Variants in LRPAP1 observed in about 807,000 individuals in gnomAD.
LRPAP1 encodes the protein LDL receptor related protein associated protein 1.
LRPAP1 carries 41 observed loss-of-function variants against 39.9 expected under a neutral mutation model. The ratio of observed to expected loss-of-function variants is 1.03; its 90% CI spans 0.80 to 1.33. The LOEUF is 1.33. Among genes scored for constraint, LRPAP1 ranks in the 40% most tolerant of loss-of-function variants. LRPAP1 has a pLI of 0.00. For synonymous variants in LRPAP1, 263 were observed against 212.7 expected (o/e 1.24, Z -2.06); for missense variants, 565 against 482.3 (o/e 1.17, Z -1.61).
At chr4:3,530,354 G>A (rs1033695387) in intron 1 of LRPAP1, among the ~76,000 whole-genome samples, 5 of 152,308 alleles carry the variant, frequency 3.3e-5, no homozygotes, top group South Asian at 4.1e-4. Context: ...AAATCAGGAC[G>A]AATGGGCTCT....
rs982060444 is a variant in LRPAP1, at chr4:3,503,920, C to T, written c.*9054G>A. The stretch of plus-strand genomic sequence containing the variant: ...GAGGGACCCAGGGGCCCAGGAAGGT[C>T]GTGAGCGCCAAGCACCCAGTGCTGC... On this transcript the variant is annotated 3_prime_UTR_variant, in exon 8 of 8. Coordinates refer to ENST00000650182, the MANE Select transcript of LRPAP1 (RefSeq NM_002337.4). 1.3e-5 allele frequency: 2 copies of T among 152,364 alleles called. No individual in the cohort carries two copies. Among genetic ancestry groups the T allele is most frequent in the East Asian group, 1.9e-4 (1 of 5,202 alleles). 9.4% of individuals were successfully genotyped at this position (152,364 alleles called of 1,614,324 possible).
In LRPAP1 at chr4:3,512,948, C is replaced by T; in HGVS notation, c.*26G>A. On this transcript the variant is annotated 3_prime_UTR_variant, in exon 8 of 8. Coordinates refer to ENST00000650182, the MANE Select transcript of LRPAP1 (RefSeq NM_002337.4). ...CAGGTCCTTCACGCTGGCCTCTTCCCTGCCGGGCTGGGCTCCCCAATGCCT... is the reference window on the plus strand; with the variant it reads ...CAGGTCCTTCACGCTGGCCTCTTCCTTGCCGGGCTGGGCTCCCCAATGCCT... 6.2e-7 allele frequency: 1 copy of T among 1,600,864 alleles called. No individual in the cohort carries two copies. The highest frequency in any genetic ancestry group is 8.5e-7 in the Non-Finnish European group (1 of 1,174,416).
chr4:3,526,032 G>A (rs1730070892), intron 1 of LRPAP1, among the ~76,000 whole-genome samples: 1 of 152,266 alleles, frequency 6.6e-6, no homozygotes, highest in African/African-American at 2.4e-5. Flanking sequence ...GCCCAGCTGT[G>A]TGAACCAGAA....
Position 3,512,756 on chromosome 4 carries a change from C to T in LRPAP1, c.*218G>A. 3.6e-6 allele frequency: 2 copies of T among 556,942 alleles called. No individual in the cohort carries two copies. Among genetic ancestry groups the T allele is most frequent in the South Asian group, 4.5e-5 (2 of 44,668 alleles). 34.5% of individuals were successfully genotyped at this position (556,942 alleles called of 1,614,324 possible). A position where few individuals can be genotyped will look rare whatever the true frequency, so the allele number is the denominator to read the frequency against. On this transcript the variant is annotated 3_prime_UTR_variant, in exon 8 of 8. Coordinates refer to ENST00000650182, the MANE Select transcript of LRPAP1 (RefSeq NM_002337.4). ...ATGCTGAGTGGAAGCCAAGCCCCTT[C>T]AGTCAGAGCTGGGCCGATCTCAGAC...
chr4:3,514,964 C>T, intron 6 of LRPAP1, 36 bp from the exon 7 acceptor site: 1 of 1,601,012 alleles, frequency 6.2e-7, no homozygotes, highest in Non-Finnish European at 8.5e-7. Flanking sequence ...TGTTCCCTTC[C>T]CGTGCTCGCC....
At chr4:3,527,659 T>G (rs1730121100) in intron 1 of LRPAP1, among the ~76,000 whole-genome samples, 2 of 152,222 alleles carry the variant, frequency 1.3e-5, no homozygotes, top group Non-Finnish European at 2.9e-5. Context: ...TGTGCTGGCC[T>G]TGAGGGGCCC....
chr4:3,517,854 C>T (rs892164812), intron 5 of LRPAP1, 180 bp downstream of exon 5: 41 of 644,768 alleles, frequency 6.4e-5, no homozygotes, highest in Non-Finnish European at 2.9e-5. Flanking sequence ...GTGACCTTCA[C>T]GGAGCAGCTC....
chr4:3,504,745 C>CAAAAAAAA lies in LRPAP1; in HGVS notation c.*8221_*8228dup, dbSNP rs71180190. On this transcript the variant is annotated 3_prime_UTR_variant, in exon 8 of 8. Transcript: ENST00000650182. ...AGCCTGAGCAATTGAGATTCCATCT[C>CAAAAAAAA]AAAAAAAAAAAAAAAAAAACCAAAA... Among the ~76,000 whole-genome samples, 1 of 87,292 alleles carries CAAAAAAAA rather than the reference C, an allele frequency of 1.1e-5. No individual in the cohort carries two copies. Among genetic ancestry groups the CAAAAAAAA allele is most frequent in the Non-Finnish European group, 2.2e-5 (1 of 45,834 alleles). 57.3% of individuals were successfully genotyped at this position (87,292 alleles called of 152,430 possible). A position where few individuals can be genotyped will look rare whatever the true frequency, so the allele number is the denominator to read the frequency against.
rs1444050214 is a variant in LRPAP1, at chr4:3,512,134, C to G, written c.*840G>C. The G allele has an allele frequency of 1.3e-5, 2 of 152,368 alleles. No homozygotes were observed. The highest frequency in any genetic ancestry group is 4.8e-5 in the African/African-American group (2 of 41,438). 9.4% of individuals were successfully genotyped at this position (152,368 alleles called of 1,614,324 possible). On this transcript the variant is annotated 3_prime_UTR_variant, in exon 8 of 8. Coordinates refer to ENST00000650182, the MANE Select transcript of LRPAP1 (RefSeq NM_002337.4). ...GAGCCAGACCCGAGCCTCTTCCAGG[C>G]TCAGACACAGGAACATTCTCGGAGC...
chr4:3,504,885 T>C lies in LRPAP1; in HGVS notation c.*8089A>G, dbSNP rs1447360478. 6.6e-6 allele frequency among the ~76,000 whole-genome samples: 1 copy of C among 151,946 alleles called. No homozygotes were observed. Among genetic ancestry groups the C allele is most frequent in the Non-Finnish European group, 1.5e-5 (1 of 68,004 alleles). The stretch of plus-strand genomic sequence containing the variant: ...TCGCATGAACCTGGGAGGCAGAGGT[T>C]GCAGTGAGCCGAGATCGCACCAACG... On this transcript the variant is annotated 3_prime_UTR_variant, in exon 8 of 8. Transcript: ENST00000650182.
chr4:3,528,610 A>G (rs944307280), intron 1 of LRPAP1, among the ~76,000 whole-genome samples: 2 of 152,278 alleles, frequency 1.3e-5, no homozygotes, highest in African/African-American at 2.4e-5. Context: ...CCATCCTCCC[A>G]GCGCTCACCT....
intron 1 of LRPAP1, 53 bp from the exon 2 acceptor site, chr4:3,525,104 C>G: frequency 6.2e-7 from 1 of 1,603,556 alleles, no homozygotes; most frequent in Non-Finnish European, 8.5e-7. Flanking sequence ...GACCAGGACA[C>G]AGCGAGAAAC....
intron 3 of LRPAP1, 65 bp downstream of exon 3, chr4:3,520,007 C>G: frequency 1.3e-6 from 2 of 1,577,912 alleles, no homozygotes; most frequent in South Asian, 2.3e-5. Flanking sequence ...CCCCTCACAG[C>G]CCCCGCCTTA....
At chr4:3,525,409 C>T (rs1181806127) in intron 1 of LRPAP1, among the ~76,000 whole-genome samples, 3 of 152,162 alleles carry the variant, frequency 2.0e-5, no homozygotes, top group Non-Finnish European at 4.4e-5. Context: ...CACTGCATTA[C>T]CATTGCAGAT....
chr4:3,525,727 A>G (rs1045919744), intron 1 of LRPAP1, among the ~76,000 whole-genome samples: 2 of 152,066 alleles, frequency 1.3e-5, no homozygotes, highest in Non-Finnish European at 2.9e-5. Flanking sequence ...GCCACGCTTC[A>G]TTCATCCCAC....
intron 5 of LRPAP1, among the ~76,000 whole-genome samples, chr4:3,516,914 G>A (rs559707278): frequency 3.3e-5 from 5 of 152,324 alleles, no homozygotes; most frequent in East Asian, 1.9e-4. Context: ...AGGCAGACCC[G>A]CAAGAGAACT....
At chr4:3,514,010 G>A (rs1729615392) in intron 7 of LRPAP1, among the ~76,000 whole-genome samples, 1 of 152,224 alleles carries the variant, frequency 6.6e-6, no homozygotes, top group Non-Finnish European at 1.5e-5. Flanking sequence ...GTGAAGCTAG[G>A]TGCACGCTAG....
intron 1 of LRPAP1, among the ~76,000 whole-genome samples, chr4:3,529,794 C>T (rs1192950182): frequency 2.0e-5 from 3 of 152,198 alleles, no homozygotes; most frequent in African/African-American, 4.8e-5. Flanking sequence ...TTTCCTGAAA[C>T]GCTCCCTTCA....
chr4:3,508,367 G>A lies in LRPAP1; in HGVS notation c.*4607C>T, dbSNP rs1729411658. 1 of 152,108 alleles carries A rather than the reference G, an allele frequency of 6.6e-6. No homozygotes were observed. The allele number at this position is 152,108 out of a possible 1,614,324, so 9.4% of individuals were successfully genotyped here. ...AACCTAAGCAAAAAGAAAATGGCAG[G>A]CATAGATGGCCTCACCCATCACATC... is the stretch of plus-strand genomic sequence containing the variant. On this transcript the variant is annotated 3_prime_UTR_variant, in exon 8 of 8. Coordinates refer to ENST00000650182, the MANE Select transcript of LRPAP1 (RefSeq NM_002337.4).
Sources: allele counts gnomAD v4.1 joint callset (sites outside exome capture counted in the v4.1 genomes callset), GRCh38; gene constraint gnomAD v4.1.1; transcripts MANE v1.5; gene names NCBI Gene and HGNC (gene_info 2026-07-23, HGNC 2026-07-21).